Variants in KLHL2 observed in about 807,000 individuals in gnomAD.
The protein encoded by KLHL2 is kelch-like protein 2.
A neutral mutation model predicts 75.8 loss-of-function variants in KLHL2; 15 were observed. The observed-to-expected ratio is 0.20, with a 90% CI of 0.13 to 0.30. The LOEUF is 0.30. Among genes scored for constraint, KLHL2 ranks in the 10% least tolerant of loss-of-function variants. The pLI is 1.00. For missense variants in KLHL2, 381 were observed against 741.0 expected (o/e 0.51, Z 5.64); for synonymous variants, 214 against 251.9 (o/e 0.85, Z 1.42).
chr4:165,260,598 C>G (rs28628367), intron 4 of KLHL2, among the ~76,000 whole-genome samples: 83 of 152,042 alleles, frequency 5.5e-4, no homozygotes, highest in African/African-American at 2.0e-3. Context: ...TATATGTTAG[C>G]ATAATATACC....
rs1357979072 is a variant in KLHL2 at position 165,322,153 on chromosome 4, T to C, written c.*93T>C. On this transcript the variant is annotated 3_prime_UTR_variant, in exon 15 of 15. Coordinates refer to ENST00000226725, the MANE Select transcript of KLHL2 (RefSeq NM_007246.4). ...TGAGAATCTAGCACTTCTCCACTTGTAGCTGCACTTTAAGTCTCAGCAGAA... is the reference window on the plus strand; with the variant it reads ...TGAGAATCTAGCACTTCTCCACTTGCAGCTGCACTTTAAGTCTCAGCAGAA... 35 of 1,136,568 alleles carry C rather than the reference T, an allele frequency of 3.1e-5. No homozygotes were observed. Among genetic ancestry groups the C allele is most frequent in the African/African-American group, 7.6e-5 (5 of 65,714 alleles). 70.4% of individuals were successfully genotyped at this position (1,136,568 alleles called of 1,614,324 possible). A position where few individuals can be genotyped will look rare whatever the true frequency, so the allele number is the denominator to read the frequency against.
chr4:165,272,280 T>G (rs1579089406), intron 5 of KLHL2, among the ~76,000 whole-genome samples: 1 of 152,338 alleles, frequency 6.6e-6, no homozygotes, highest in East Asian at 1.9e-4. Flanking sequence ...TGTAGCACTA[T>G]TCATGCAGCA....
intron 3 of KLHL2, among the ~76,000 whole-genome samples, chr4:165,230,645 C>G (rs1196792843): frequency 6.6e-6 from 1 of 151,250 alleles, no homozygotes; most frequent in Non-Finnish European, 1.5e-5. Flanking sequence ...CCTGTAAGAT[C>G]AAGGTTAGTT....
intron 5 of KLHL2, among the ~76,000 whole-genome samples, chr4:165,270,078 A>T (rs879114213): frequency 6.6e-6 from 1 of 152,102 alleles, no homozygotes; most frequent in Admixed American, 6.5e-5. Flanking sequence ...TTGATCTTCA[A>T]TCAGTGATAT....
Position 165,255,917 on chromosome 4 carries a change from G to A in KLHL2, c.382-7280G>A, listed in dbSNP as rs1346227486. Among the ~76,000 whole-genome samples the A allele has an allele frequency of 6.6e-5, 10 of 152,160 alleles. 1 individual carries two copies. The South Asian group carries it at 1.9e-3, about 28-fold the overall frequency. On this transcript the variant is annotated intron_variant, in intron 4 of 14. Coordinates refer to ENST00000226725, the MANE Select transcript of KLHL2 (RefSeq NM_007246.4). ...CCCTTTGGTAGTCTCTTCCTAATAAGCAAACTGCTAATGGCTCAGGATTTA... is the reference window on the plus strand; with the variant it reads ...CCCTTTGGTAGTCTCTTCCTAATAAACAAACTGCTAATGGCTCAGGATTTA...
intron 4 of KLHL2, among the ~76,000 whole-genome samples, chr4:165,250,797 C>A (rs10008959): frequency 0.28 from 42,231 of 151,206 alleles, 6,145 homozygotes; most frequent in African/African-American, 0.32. Context: ...AAAATAGCTC[C>A]TATGACTTTT....
intron 1 of KLHL2, among the ~76,000 whole-genome samples, chr4:165,216,168 C>T (rs1292405900): frequency 6.6e-6 from 1 of 152,148 alleles, no homozygotes; most frequent in Non-Finnish European, 1.5e-5. Flanking sequence ...TCTTTGTTTT[C>T]TTCCTGTCTG....
At position 165,310,194 on chromosome 4, in the gene KLHL2, G is replaced by A. The variant is rs370583869; in HGVS notation, c.1040-359G>A. Among the ~76,000 whole-genome samples the A allele has an allele frequency of 2.4e-4, 36 of 152,190 alleles. No homozygotes were observed. In the East Asian group the frequency reaches 3.9e-3, roughly 16 times the overall value. ...CAAAAAATTAGTTGGGTGTGGTGGC[G>A]GGCGCCTGTAGTCCCAGCTACTCAG... On this transcript the variant is annotated intron_variant, in intron 9 of 14. Transcript: ENST00000226725.
At chr4:165,229,400 AAAG>A (rs1328694018) in intron 3 of KLHL2, among the ~76,000 whole-genome samples, 2 of 152,222 alleles carry the variant, frequency 1.3e-5, no homozygotes, top group Non-Finnish European at 2.9e-5. Context: ...TACTTCTGGA[AAAG>A]AAGTAATTTA....
chr4:165,275,494 T>C (rs539518611), intron 5 of KLHL2, among the ~76,000 whole-genome samples: 1 of 152,312 alleles, frequency 6.6e-6, no homozygotes, highest in South Asian at 2.1e-4. Context: ...GGGACAAAAA[T>C]TGTTTCAGAT....
chr4:165,211,900 A>G (rs890875605), intron 1 of KLHL2, among the ~76,000 whole-genome samples: 1 of 152,202 alleles, frequency 6.6e-6, no homozygotes, highest in Non-Finnish European at 1.5e-5. Flanking sequence ...GCATGCAGTA[A>G]CTATTAGTAA....
At chr4:165,242,321 T>C (rs999311085) in intron 4 of KLHL2, among the ~76,000 whole-genome samples, 2 of 152,180 alleles carry the variant, frequency 1.3e-5, no homozygotes, top group African/African-American at 4.8e-5. Context: ...TTGGTGGTTA[T>C]GGACACCTTT....
intron 8 of KLHL2, among the ~76,000 whole-genome samples, chr4:165,303,963 C>T (rs1745542264): frequency 1.3e-5 from 2 of 152,080 alleles, no homozygotes; most frequent in Admixed American, 6.6e-5. Context: ...GCAACTTCCA[C>T]CTCCTGGGTT....
intron 12 of KLHL2, 27 bp from the exon 13 acceptor site, chr4:165,313,994 TGCCCC>T (rs1428536426): frequency 6.3e-7 from 1 of 1,592,740 alleles, no homozygotes; most frequent in Admixed American, 1.8e-5. Context: ...TTGTTCTTTT[TGCCCC>T]TCTATTTGGC....
chr4:165,240,739 TTA>T (rs1739751515), intron 4 of KLHL2, among the ~76,000 whole-genome samples: 1 of 152,204 alleles, frequency 6.6e-6, no homozygotes, highest in Admixed American at 6.5e-5. Flanking sequence ...CATTATGTCC[TTA>T]TATTTGACCT....
At chr4:165,317,757 C>A in intron 13 of KLHL2, 69 bp from the exon 14 acceptor site, 2 of 1,198,932 alleles carry the variant, frequency 1.7e-6, no homozygotes, top group Non-Finnish European at 2.4e-6. Flanking sequence ...CCTCACTAAA[C>A]ATGTACAGTG....
At chr4:165,238,622 G>T (rs1372708970) in intron 3 of KLHL2, among the ~76,000 whole-genome samples, 156 bp from the exon 4 acceptor site, 2 of 152,218 alleles carry the variant, frequency 1.3e-5, no homozygotes, top group South Asian at 2.1e-4. Context: ...GCTTTTGGAA[G>T]AGGAAGGGGG....
At chr4:165,245,212 TAAC>T (rs959352484) in intron 4 of KLHL2, among the ~76,000 whole-genome samples, 1 of 151,778 alleles carries the variant, frequency 6.6e-6, no homozygotes, top group African/African-American at 2.4e-5. Flanking sequence ...CATCTCAAAA[TAAC>T]AACAACAAAA....
Position 165,297,640 on chromosome 4 carries a change from A to T in KLHL2, c.686A>T (p.His229Leu). The T allele has an allele frequency of 4.3e-6, 7 of 1,613,556 alleles. No individual in the cohort carries two copies. Among genetic ancestry groups the T allele is most frequent in the Non-Finnish European group, 5.9e-6 (7 of 1,179,458 alleles). ...VFEAVIAWVN[H>L]DKDVRQEFMA... ...GAAGCAGTAATAGCATGGGTGAACC[A>T]TGACAAGGATGTGAGGCAAGAGTTT... Residue 229 changes from histidine (H) to leucine (L), a missense_variant, in exon 7 of 15, where the codon CAT (histidine) becomes CTT (leucine). This residue lies in a region of KLHL2 where 111 missense variants were observed against 150.1 expected (regional missense o/e 0.74). Transcript: ENST00000226725.
Sources: gnomAD v4.1 joint callset for allele counts (sites outside exome capture counted in the v4.1 genomes callset) on GRCh38, gnomAD v4.1.1 for gene constraint, gnomAD v4.1.1 regional missense constraint, MANE v1.5 for transcripts, NCBI Gene and HGNC (gene_info 2026-07-23, HGNC 2026-07-21) for gene names.